The following CARF variants were observed in gnomAD, a reference collection of about 807,000 sequenced individuals.
CARF encodes the protein calcium-responsive transcription factor.
In CARF, 57 loss-of-function variants were observed where a neutral mutation model predicts 82.0. The observed-to-expected ratio is 0.70, with a 90% CI of 0.56 to 0.87. The LOEUF (loss-of-function observed/expected upper bound fraction) is 0.87. Among genes scored for constraint, CARF ranks in the 40% least tolerant of loss-of-function variants. The pLI, the probability that CARF is intolerant of heterozygous loss-of-function variation, is 0.00. For synonymous variants in CARF, 268 were observed against 290.1 expected, an observed-to-expected ratio of 0.92 and a Z score of 0.77; for missense variants, 771 against 855.8, an observed-to-expected ratio of 0.90 and a Z score of 1.24.
chr2:202,930,587 C>T (rs945631123), intron 3 of CARF, among the ~76,000 whole-genome samples: 19 of 152,052 alleles, frequency 1.2e-4, no homozygotes, highest in Non-Finnish European at 2.4e-4. Flanking sequence ...ATTTGTATCT[C>T]TTTGTTGAAT....
chr2:202,981,931 G>A, intron 15 of CARF, 141 bp from the exon 16 acceptor site: 1 of 1,035,296 alleles, frequency 9.7e-7, no homozygotes, highest in Non-Finnish European at 1.4e-6. Flanking sequence ...CTTGATTCTT[G>A]TTTCTTTCTT....
chr2:202,970,088 T>G (rs1439494165), intron 11 of CARF, 26 bp downstream of exon 11: 1 of 1,533,134 alleles, frequency 6.5e-7, no homozygotes, highest in Admixed American at 2.5e-5. Flanking sequence ...AGTTCTTTTA[T>G]TTTACAAATT....
At chr2:202,923,207 A>G (rs1691160631) in intron 2 of CARF, among the ~76,000 whole-genome samples, 1 of 152,170 alleles carries the variant, frequency 6.6e-6, no homozygotes, top group Non-Finnish European at 1.5e-5. Context: ...CGGCCATTGC[A>G]CTCCAGCCTG....
intron 9 of CARF, chr2:202,961,880 C>T (rs1298386617): frequency 5.4e-6 from 1 of 184,006 alleles, no homozygotes; most frequent in Non-Finnish European, 1.1e-5. Context: ...TTATAGAATT[C>T]TGATACTAAA....
chr2:202,974,813 C>A (rs771359549), intron 13 of CARF, among the ~76,000 whole-genome samples: 1 of 151,842 alleles, frequency 6.6e-6, no homozygotes, highest in Non-Finnish European at 1.5e-5. Flanking sequence ...GCAGGAGAAT[C>A]ACTTGAACTC....
chr2:202,945,667 A>G (rs187338411), intron 5 of CARF, among the ~76,000 whole-genome samples: 7 of 152,288 alleles, frequency 4.6e-5, no homozygotes, highest in Admixed American at 4.6e-4. Flanking sequence ...GCTGCATAGT[A>G]TTCCGTGGTG....
At chr2:202,918,067 A>G (rs1245649607) in intron 2 of CARF, 24 bp downstream of exon 2, 1 of 446,334 alleles carries the variant, frequency 2.2e-6, no homozygotes, top group South Asian at 1.6e-5. Flanking sequence ...ACTAATTGAA[A>G]GTAACAACTT....
intron 3 of CARF, among the ~76,000 whole-genome samples, chr2:202,927,475 G>A (rs138771246): frequency 4.3e-4 from 65 of 152,096 alleles, no homozygotes; most frequent in Admixed American, 1.3e-3. Flanking sequence ...TTTTTTTGTG[G>A]TGAGAATATT....
At chr2:202,940,253 C>T (rs1248703314) in intron 3 of CARF, among the ~76,000 whole-genome samples, 1 of 152,062 alleles carries the variant, frequency 6.6e-6, no homozygotes, top group Non-Finnish European at 1.5e-5. Context: ...AGTCTGGTCT[C>T]AAACTCCTGA....
chr2:202,944,617 T>C (rs769166373), intron 5 of CARF, among the ~76,000 whole-genome samples: 1 of 152,226 alleles, frequency 6.6e-6, no homozygotes, highest in Non-Finnish European at 1.5e-5. Context: ...GTTCAGGTTT[T>C]CTGGGCCTAT....
At chr2:202,918,554 CA>C (rs977652611) in intron 2 of CARF, among the ~76,000 whole-genome samples, 1 of 150,414 alleles carries the variant, frequency 6.6e-6, no homozygotes, top group Non-Finnish European at 1.5e-5. Context: ...ACAAAAAAAA[CA>C]AAAAAAAACT....
chr2:202,954,278 G>C (rs906901881), intron 7 of CARF, 144 bp downstream of exon 7: 3 of 1,008,678 alleles, frequency 3.0e-6, no homozygotes, highest in Non-Finnish European at 4.1e-6. Context: ...TTATTTTAAG[G>C]CATCTTGGTC....
chr2:202,925,151 C>G, intron 3 of CARF: 1 of 331,070 alleles, frequency 3.0e-6, no homozygotes, highest in Non-Finnish European at 6.0e-6. Flanking sequence ...ATGGAGAGAC[C>G]AGTGGAGGAC....
At position 202,961,319 on chromosome 2, in the gene CARF, A is replaced by G. The variant is rs1235992021; in HGVS notation, c.725A>G (p.Gln242Arg). ...CTAACATTTCACAAGCAGCAAACAC[A>G]GAGTGTTTGGGGGACCCGTCAGTCT... is the stretch of plus-strand genomic sequence containing the variant. ...SVLTFHKQQT[Q>R]SVWGTRQSPS... The change falls in exon 9 of 17, where the codon CAG (glutamine) becomes CGG (arginine). Residue 242 changes from glutamine to arginine, a missense_variant. Coordinates refer to ENST00000438828, the MANE Select transcript of CARF (RefSeq NM_024744.17). 2 of 1,613,916 alleles carry G rather than the reference A, an allele frequency of 1.2e-6. No homozygotes were observed. Among genetic ancestry groups the G allele is most frequent in the Non-Finnish European group, 1.7e-6 (2 of 1,179,750 alleles).
At chr2:202,931,334 TATAAC>T (rs1692901631) in intron 3 of CARF, among the ~76,000 whole-genome samples, 1 of 152,252 alleles carries the variant, frequency 6.6e-6, no homozygotes, top group South Asian at 2.1e-4. Context: ...ATATAATACA[TATAAC>T]ATAAAACTAT....
intron 9 of CARF, among the ~76,000 whole-genome samples, chr2:202,964,248 G>C (rs1367289695): frequency 6.6e-6 from 1 of 151,990 alleles, no homozygotes; most frequent in Non-Finnish European, 1.5e-5. Flanking sequence ...TCATGACTTA[G>C]CATTGCCAGA....
intron 9 of CARF, among the ~76,000 whole-genome samples, chr2:202,964,445 A>G (rs1320234129): frequency 6.6e-6 from 1 of 151,868 alleles, no homozygotes; most frequent in Non-Finnish European, 1.5e-5. Context: ...ATGCTCAGCT[A>G]ATTTTTGTAT....
chr2:202,982,393 G>A lies in CARF; in HGVS notation c.2011G>A (p.Asp671Asn). ...EGTVHRILLG[D>N]VQTIPIQIID... ...AACTGTTCATCGGATTCTGTTGGGA[G>A]ATGTGCAGACTATTCCAATACAGAT... The change falls in exon 16 of 17, where the codon GAT becomes AAT. Residue 671 changes from aspartate to asparagine, a missense_variant. Asp to Asn is a conservative substitution (Grantham distance 23). Coordinates refer to ENST00000438828, the MANE Select transcript of CARF (RefSeq NM_024744.17). 1.2e-6 allele frequency: 2 copies of A among 1,614,078 alleles called. No homozygotes were observed. Among genetic ancestry groups the A allele is most frequent in the Non-Finnish European group, 1.7e-6 (2 of 1,179,964 alleles).
intron 9 of CARF, among the ~76,000 whole-genome samples, chr2:202,963,502 T>A (rs1341123044): frequency 1.3e-5 from 2 of 152,166 alleles, no homozygotes; most frequent in Non-Finnish European, 2.9e-5. Context: ...CAGGGACTGG[T>A]TTTGTGGAAG....
Sources: allele counts gnomAD v4.1 joint callset (sites outside exome capture counted in the v4.1 genomes callset), GRCh38; gene constraint gnomAD v4.1.1; transcripts MANE v1.5; gene names NCBI Gene and HGNC (gene_info 2026-07-23, HGNC 2026-07-21).